Variants in LBP observed in about 807,000 individuals in gnomAD.
LBP encodes the protein lipopolysaccharide binding protein.
In LBP, 53 loss-of-function variants were observed where a neutral mutation model predicts 56.6. The ratio of observed to expected loss-of-function variants is 0.94; its 90% CI spans 0.75 to 1.18. LBP has a LOEUF of 1.18. LBP is among the 50% of genes most tolerant of loss of function. The pLI, the probability that LBP is intolerant of heterozygous loss-of-function variation, is 0.00. For synonymous variants in LBP, 227 were observed against 247.5 expected (o/e 0.92, Z 0.78); for missense variants, 601 against 598.3 (o/e 1.00, Z -0.05).
intron 14 of LBP, among the ~76,000 whole-genome samples, chr20:38,374,313 T>C (rs1409592780): frequency 1.3e-5 from 2 of 152,196 alleles, no homozygotes; most frequent in Non-Finnish European, 2.9e-5. Flanking sequence ...TTGAAAATAC[T>C]GCGGGCCGGG....
chr20:38,373,799 C>T (rs1284870061), intron 13 of LBP, 138 bp from the exon 14 acceptor site: 37 of 727,518 alleles, frequency 5.1e-5, no homozygotes, highest in Middle Eastern at 6.6e-4. Flanking sequence ...AGAATAATCA[C>T]ACCTACCTCA....
At position 38,371,231 on chromosome 20, in the gene LBP, TA is replaced by T. The variant is rs11536984; in HGVS notation, c.1218-46del. The T allele has an allele frequency of 7.0e-3, 10,915 of 1,553,930 alleles. 629 individuals carry two copies. In the African/African-American group the frequency reaches 0.13, roughly 18 times the overall value. On this transcript the variant is annotated intron_variant, in intron 11 of 14. Transcript: ENST00000217407. ...CGCTTCTGGGGACCCCCGCATTGCT[TA>T]AACTTGCATAAAGCCCACACCTTTT...
intron 2 of LBP, among the ~76,000 whole-genome samples, chr20:38,350,320 G>A (rs1220472756): frequency 1.3e-5 from 2 of 152,120 alleles, no homozygotes; most frequent in African/African-American, 4.8e-5. Context: ...AATAGAACTT[G>A]ACCGTTCTTT....
rs528280040 is a variant in LBP at position 38,373,023 on chromosome 20, C to T, written c.1261-49C>T. ...TGCTATGTTGGCACACACAGAACCACCATGTGGCCCTGTGGCGATGTAAAT... is the reference window on the plus strand; with the variant it reads ...TGCTATGTTGGCACACACAGAACCATCATGTGGCCCTGTGGCGATGTAAAT... On this transcript the variant is annotated intron_variant, in intron 12 of 14. Coordinates refer to ENST00000217407, the MANE Select transcript of LBP (RefSeq NM_004139.5). The T allele has an allele frequency of 9.8e-6, 15 of 1,527,460 alleles. 1 individual carries two copies. Among genetic ancestry groups the T allele is most frequent in the Admixed American group, 3.3e-5 (2 of 59,864 alleles). 94.6% of individuals were successfully genotyped at this position (1,527,460 alleles called of 1,614,324 possible). A position where few individuals can be genotyped will look rare whatever the true frequency, so the allele number is the denominator to read the frequency against.
chr20:38,376,580 G>C, intron 14 of LBP, 45 bp from the exon 15 acceptor site: 2 of 1,571,782 alleles, frequency 1.3e-6, no homozygotes, highest in Non-Finnish European at 1.8e-6. Flanking sequence ...TCTTTTTGGA[G>C]TAGAGGATGC....
chr20:38,357,003 G>A (rs1238091519), intron 5 of LBP, among the ~76,000 whole-genome samples: 1 of 152,098 alleles, frequency 6.6e-6, no homozygotes, highest in African/African-American at 2.4e-5. Context: ...CCACAGGCAC[G>A]TGCCACCATG....
chr20:38,356,503 T>G, intron 5 of LBP, among the ~76,000 whole-genome samples: 1 of 150,558 alleles, frequency 6.6e-6, no homozygotes. Context: ...TGCCCCCTCG[T>G]GGTTGAAACA....
At chr20:38,363,925 C>A in intron 6 of LBP, 50 bp from the exon 7 acceptor site, 2 of 1,331,308 alleles carry the variant, frequency 1.5e-6, no homozygotes, top group South Asian at 1.2e-5. Flanking sequence ...CCTCCTCCAG[C>A]AGCTGAAAGT....
chr20:38,366,870 A>G (rs1202299406), intron 9 of LBP, 42 bp downstream of exon 9: 4 of 1,554,388 alleles, frequency 2.6e-6, no homozygotes, highest in Non-Finnish European at 3.6e-6. Context: ...GACCGAGCCT[A>G]CTAGACTCCA....
intron 6 of LBP, among the ~76,000 whole-genome samples, chr20:38,363,722 G>A (rs1039883570): frequency 6.6e-6 from 1 of 150,944 alleles, no homozygotes; most frequent in Non-Finnish European, 1.5e-5. Context: ...GTGTGTGTAT[G>A]TGTGTGTGTG....
At chr20:38,358,936 C>G (rs1425256097) in intron 5 of LBP, among the ~76,000 whole-genome samples, 2 of 152,208 alleles carry the variant, frequency 1.3e-5, no homozygotes, top group Admixed American at 6.5e-5. Flanking sequence ...GGCAGCGTCT[C>G]CAGTGCCCCC....
At chr20:38,351,000 T>G (rs2076818762) in intron 3 of LBP, 61 bp downstream of exon 3, 1 of 1,586,174 alleles carries the variant, frequency 6.3e-7, no homozygotes, top group Non-Finnish European at 8.6e-7. Context: ...CCCATCCTTC[T>G]TAGGTCCAAG....
intron 8 of LBP, among the ~76,000 whole-genome samples, chr20:38,365,234 C>CCTAAA (rs2076876496): frequency 1.0e-5 from 1 of 96,682 alleles, no homozygotes; most frequent in Non-Finnish European, 2.0e-5. Flanking sequence ...GACCCTGTCT[C>CCTAAA]AAAAAAAAAA....
At chr20:38,362,380 A>G in intron 6 of LBP, among the ~76,000 whole-genome samples, 1 of 144,248 alleles carries the variant, frequency 6.9e-6, no homozygotes, top group African/African-American at 2.5e-5. Flanking sequence ...AGGGAGGCCG[A>G]GGCGGGTGGA....
At chr20:38,373,281 A>T in intron 13 of LBP, 146 bp downstream of exon 13, 1 of 689,182 alleles carries the variant, frequency 1.5e-6, no homozygotes, top group Non-Finnish European at 2.5e-6. Flanking sequence ...CCTGCCTGTG[A>T]CATGGGATCG....
Position 38,371,330 on chromosome 20 carries a change from GT to G in LBP, c.1260+13del. ...AAAGTTGGACTATTCAATGTAAGTTGTTTTTATTGATGACATGATTAGAATG... is the reference window on the plus strand; with the variant it reads ...AAAGTTGGACTATTCAATGTAAGTTGTTTTATTGATGACATGATTAGAATG... On this transcript the variant is annotated intron_variant, in intron 12 of 14. Transcript: ENST00000217407. 6.3e-7 allele frequency: 1 copy of G among 1,587,726 alleles called. No individual in the cohort carries two copies. Among genetic ancestry groups the G allele is most frequent in the Non-Finnish European group, 8.6e-7 (1 of 1,156,910 alleles).
At chr20:38,372,142 A>G (rs984356411) in intron 12 of LBP, among the ~76,000 whole-genome samples, 3 of 152,228 alleles carry the variant, frequency 2.0e-5, no homozygotes, top group African/African-American at 7.2e-5. Context: ...CGTGAAAATC[A>G]GTGTGGGCCA....
chr20:38,367,814 G>A (rs1224934072), intron 9 of LBP, among the ~76,000 whole-genome samples: 1 of 152,128 alleles, frequency 6.6e-6, no homozygotes, highest in Non-Finnish European at 1.5e-5. Context: ...TCCACGAATA[G>A]CCTCCTAAAA....
chr20:38,372,498 G>T (rs1397015722), intron 12 of LBP, among the ~76,000 whole-genome samples: 1 of 152,210 alleles, frequency 6.6e-6, no homozygotes, highest in Non-Finnish European at 1.5e-5. Context: ...AGCATGAAAT[G>T]TAAAAACAAA....
Sources: gnomAD v4.1 joint callset for allele counts (sites outside exome capture counted in the v4.1 genomes callset) on GRCh38, gnomAD v4.1.1 for gene constraint, MANE v1.5 for transcripts, NCBI Gene and HGNC (gene_info 2026-07-23, HGNC 2026-07-21) for gene names.